HS6ST3: variants seen among roughly 807,000 people sequenced by gnomAD.
HS6ST3 encodes heparan sulfate 6-O-sulfotransferase 3, also known as heparan-sulfate 6-O-sulfotransferase 3.
Under a neutral mutation model 36.7 loss-of-function variants are expected in HS6ST3, and 12 were observed. That is an observed-to-expected ratio of 0.33 (90% CI 0.21 to 0.53). The LOEUF is 0.53. Ranked by LOEUF, HS6ST3 falls within the 20% of genes least tolerant of loss-of-function variation. HS6ST3 has a pLI of 0.95. For missense variants in HS6ST3, 584 were observed against 640.9 expected (o/e 0.91, Z 0.96); for synonymous variants, 240 against 257.5 (o/e 0.93, Z 0.65).
intron 1 of HS6ST3, among the ~76,000 whole-genome samples, chr13:96,758,539 A>G (rs1413716510): frequency 6.6e-6 from 1 of 151,822 alleles, no homozygotes; most frequent in African/African-American, 2.4e-5. Flanking sequence ...CCCTCTAAAA[A>G]CTTTTAGCTT....
At chr13:96,232,186 T>A (rs1215977413) in intron 1 of HS6ST3, among the ~76,000 whole-genome samples, 4 of 152,204 alleles carry the variant, frequency 2.6e-5, no homozygotes, top group Non-Finnish European at 5.9e-5. Flanking sequence ...GAGTATAAGA[T>A]GCTAGAGCAG....
chr13:96,273,330 C>A lies in HS6ST3; in HGVS notation c.707+181761C>A, dbSNP rs575348617. ...TAATTGCTAGTTTGAGATGCTAGGA[C>A]ATTTTTCCCTCTTGACTGTGTGACT... On this transcript the variant is annotated intron_variant, in intron 1 of 1. Coordinates refer to ENST00000376705, the MANE Select transcript of HS6ST3 (RefSeq NM_153456.4). Among the ~76,000 whole-genome samples the A allele has an allele frequency of 5.3e-5, 8 of 152,100 alleles. No homozygotes were observed. The East Asian group carries it at 1.5e-3, about 29-fold the overall frequency.
At chr13:96,207,117 T>C (rs2054374342) in intron 1 of HS6ST3, among the ~76,000 whole-genome samples, 1 of 151,770 alleles carries the variant, frequency 6.6e-6, no homozygotes, top group Non-Finnish European at 1.5e-5. Context: ...AGAAAAAACC[T>C]AAACAACCCT....
At chr13:96,135,156 C>T (rs551180549) in intron 1 of HS6ST3, among the ~76,000 whole-genome samples, 3 of 152,152 alleles carry the variant, frequency 2.0e-5, no homozygotes, top group Non-Finnish European at 4.4e-5. Context: ...CTACCTCACC[C>T]TGCCTTGCAT....
chr13:96,727,796 T>C (rs1329276587), intron 1 of HS6ST3, among the ~76,000 whole-genome samples: 1 of 152,222 alleles, frequency 6.6e-6, no homozygotes, highest in African/African-American at 2.4e-5. Context: ...CAAAGAGTTA[T>C]GCTTTCTTTC....
intron 1 of HS6ST3, among the ~76,000 whole-genome samples, chr13:96,307,049 T>C (rs1212408538): frequency 6.6e-6 from 1 of 152,082 alleles, no homozygotes; most frequent in Non-Finnish European, 1.5e-5. Flanking sequence ...TTAATAGCAG[T>C]ATGACCCCCA....
At chr13:96,401,572 G>A (rs941702228) in intron 1 of HS6ST3, among the ~76,000 whole-genome samples, 2 of 152,048 alleles carry the variant, frequency 1.3e-5, no homozygotes, top group Non-Finnish European at 2.9e-5. Flanking sequence ...TACTTTATAA[G>A]GACTGTTATT....
chr13:96,645,626 CAT>C (rs2056586040), intron 1 of HS6ST3, among the ~76,000 whole-genome samples: 1 of 151,668 alleles, frequency 6.6e-6, no homozygotes, highest in Non-Finnish European at 1.5e-5. Context: ...AAAAATCAAA[CAT>C]ATTTAATAGA....
At chr13:96,724,732 T>C (rs981189181) in intron 1 of HS6ST3, among the ~76,000 whole-genome samples, 3 of 152,240 alleles carry the variant, frequency 2.0e-5, no homozygotes, top group Non-Finnish European at 4.4e-5. Context: ...AGAGTAGTAG[T>C]TCATTGTATA....
chr13:96,782,824 A>C (rs962345365), intron 1 of HS6ST3, among the ~76,000 whole-genome samples: 2 of 152,138 alleles, frequency 1.3e-5, no homozygotes, highest in African/African-American at 4.8e-5. Context: ...AAAATCACTC[A>C]TTCTGAGTAG....
chr13:96,795,953 T>C (rs1256355485), intron 1 of HS6ST3, among the ~76,000 whole-genome samples: 2 of 152,086 alleles, frequency 1.3e-5, no homozygotes, highest in South Asian at 2.1e-4. Context: ...TTTCCTGATA[T>C]ATCTGTTGAC....
chr13:96,831,964 A>AAAAAAAAACAAC (rs1219162364), intron 1 of HS6ST3, among the ~76,000 whole-genome samples: 3 of 145,606 alleles, frequency 2.1e-5, no homozygotes, highest in African/African-American at 7.7e-5. Context: ...CAAAAAAAAA[A>AAAAAAAAACAAC]AAAAAAAAAA....
chr13:96,691,411 A>G (rs1364984116), intron 1 of HS6ST3, among the ~76,000 whole-genome samples: 1 of 152,120 alleles, frequency 6.6e-6, no homozygotes, highest in East Asian at 1.9e-4. Flanking sequence ...ACTGGTAGTC[A>G]TATATAAATA....
intron 1 of HS6ST3, among the ~76,000 whole-genome samples, chr13:96,494,564 G>A (rs1478710750): frequency 1.3e-5 from 2 of 149,836 alleles, no homozygotes; most frequent in East Asian, 3.9e-4. Context: ...AAAGAACCAC[G>A]ATGTACCTAC....
intron 1 of HS6ST3, among the ~76,000 whole-genome samples, chr13:96,339,441 C>T (rs886708817): frequency 1.8e-4 from 27 of 152,232 alleles, no homozygotes; most frequent in Admixed American, 6.5e-4. Context: ...AGCTTTTCCA[C>T]CTGCAAGGTG....
At chr13:96,705,002 A>T (rs1347321794) in intron 1 of HS6ST3, among the ~76,000 whole-genome samples, 1 of 152,184 alleles carries the variant, frequency 6.6e-6, no homozygotes, top group East Asian at 1.9e-4. Flanking sequence ...AGCAAAACTG[A>T]ACAGAAAGTG....
Position 96,273,710 on chromosome 13 carries a change from A to G in HS6ST3, c.707+182141A>G, listed in dbSNP as rs183687179. ...TGTGCAAGTATCGGTTAGGTTTCAA[A>G]TAACAGAAACTCAACTGAAATTAGT... On this transcript the variant is annotated intron_variant, in intron 1 of 1. Transcript: ENST00000376705. Among the ~76,000 whole-genome samples the G allele has an allele frequency of 3.1e-3, 467 of 152,248 alleles. 6 individuals are homozygous for G. Among genetic ancestry groups the G allele is most frequent in the African/African-American group, 0.011 (456 of 41,552 alleles).
rs141522489 is a variant in HS6ST3 at position 96,807,856 on chromosome 13, A to G, written c.708-24634A>G. 9.0e-5 allele frequency among the ~76,000 whole-genome samples: 13 copies of G among 143,748 alleles called. 1 individual carries two copies. The East Asian group carries it at 2.6e-3, about 29-fold the overall frequency. The allele number at this position is 143,748 out of a possible 152,430, so 94.3% of individuals were successfully genotyped here. On this transcript the variant is annotated intron_variant, in intron 1 of 1. Transcript: ENST00000376705. ...ACTCCAGCCTGGGTTACAGAGTGAG[A>G]CTCCAACTCAAAAAAAAAAAAAAAA...
At chr13:96,309,120 G>T (rs1330214450) in intron 1 of HS6ST3, among the ~76,000 whole-genome samples, 1 of 152,044 alleles carries the variant, frequency 6.6e-6, no homozygotes, top group African/African-American at 2.4e-5. Flanking sequence ...TTCTAATATT[G>T]TTATAGGTTG....
Sources: gnomAD v4.1 joint callset for allele counts (sites outside exome capture counted in the v4.1 genomes callset) on GRCh38, gnomAD v4.1.1 for gene constraint, MANE v1.5 for transcripts, NCBI Gene and HGNC (gene_info 2026-07-23, HGNC 2026-07-21) for gene names.